PCSK5: variants seen among roughly 807,000 people sequenced by gnomAD.
The protein encoded by PCSK5 is prohormone convertase 5.
PCSK5 carries 129 observed loss-of-function variants against 233.2 expected under a neutral mutation model. The ratio of observed to expected loss-of-function variants is 0.55; its 90% confidence interval spans 0.48 to 0.64. The LOEUF (loss-of-function observed/expected upper bound fraction) is 0.64. PCSK5 is among the 30% of genes least tolerant of loss of function. The pLI, the probability that PCSK5 is intolerant of heterozygous loss-of-function variation, is 0.00. For synonymous variants in PCSK5, 825 were observed against 879.2 expected (o/e 0.94, Z 1.09); for missense variants, 2,076 against 2,430.1 (o/e 0.85, Z 3.06).
chr9:76,236,816 A>G, intron 22 of PCSK5, among the ~76,000 whole-genome samples: 1 of 152,228 alleles, frequency 6.6e-6, no homozygotes, highest in Admixed American at 6.5e-5. Context: ...CCATGTCCAA[A>G]CAATAAAAAT....
rs996414942 is a variant in PCSK5 at position 76,060,829 on chromosome 9, A to G, written c.633-7126A>G. Among the ~76,000 whole-genome samples the G allele has an allele frequency of 8.5e-5, 13 of 152,318 alleles. No individual in the cohort carries two copies. The East Asian group carries it at 2.1e-3, about 25-fold the overall frequency. On this transcript the variant is annotated intron_variant, in intron 5 of 37. Transcript: ENST00000674117. ...GAATACATAACAACCAAGCTGGTAT[A>G]GGGAAAAAGGTTACAGAAATGAACA...
intron 2 of PCSK5, among the ~76,000 whole-genome samples, chr9:75,978,989 C>T (rs1350033318): frequency 6.6e-5 from 10 of 151,416 alleles, no homozygotes; most frequent in Admixed American, 4.6e-4. Flanking sequence ...TCCTCTACCT[C>T]AGCCTCCCAA....
intron 5 of PCSK5, among the ~76,000 whole-genome samples, chr9:76,058,838 G>A (rs1829921988): frequency 2.0e-5 from 3 of 152,074 alleles, no homozygotes; most frequent in African/African-American, 7.2e-5. Flanking sequence ...TATTTGAAAA[G>A]GAACTTCACA....
At chr9:76,184,994 G>T (rs1316611610) in intron 17 of PCSK5, among the ~76,000 whole-genome samples, 1 of 152,142 alleles carries the variant, frequency 6.6e-6, no homozygotes, top group Non-Finnish European at 1.5e-5. Flanking sequence ...AGAAAAGATG[G>T]CTCAGATAAA....
chr9:75,917,493 T>A (rs1411799932), intron 1 of PCSK5, among the ~76,000 whole-genome samples: 1 of 152,244 alleles, frequency 6.6e-6, no homozygotes, highest in Admixed American at 6.5e-5. Context: ...GAACCGTGTG[T>A]CACCTGGGAG....
intron 22 of PCSK5, among the ~76,000 whole-genome samples, chr9:76,237,626 A>ATT (rs1826290383): frequency 6.6e-6 from 1 of 151,782 alleles, no homozygotes; most frequent in African/African-American, 2.4e-5. Flanking sequence ...AAAAAAAAAA[A>ATT]ATGGTTGGGC....
chr9:76,275,667 C>T (rs1587826715), intron 24 of PCSK5, among the ~76,000 whole-genome samples: 2 of 152,314 alleles, frequency 1.3e-5, no homozygotes, highest in East Asian at 1.9e-4. Flanking sequence ...TCAAGTGATC[C>T]ACCTGCCTCG....
intron 2 of PCSK5, among the ~76,000 whole-genome samples, chr9:75,933,443 A>C (rs1823901711): frequency 6.6e-6 from 1 of 152,182 alleles, no homozygotes. Flanking sequence ...TTTTCAAAGA[A>C]ATTGATAGAT....
intron 12 of PCSK5, 140 bp downstream of exon 12, chr9:76,159,311 C>T (rs544839107): frequency 4.4e-6 from 3 of 687,116 alleles, no homozygotes; most frequent in African/African-American, 1.8e-5. Context: ...TCTCACTGCT[C>T]ATAAGTAGAG....
At chr9:75,962,456 A>T (rs1825395509) in intron 2 of PCSK5, among the ~76,000 whole-genome samples, 1 of 152,200 alleles carries the variant, frequency 6.6e-6, no homozygotes, top group African/African-American at 2.4e-5. Context: ...AGCCAGCTGG[A>T]TGTTGAGGGC....
chr9:76,096,915 C>CTTTATT (rs1262850288), intron 8 of PCSK5, among the ~76,000 whole-genome samples: 10 of 151,234 alleles, frequency 6.6e-5, no homozygotes, highest in South Asian at 2.1e-4. Flanking sequence ...AGGTGCATTT[C>CTTTATT]TTTATTTTTA....
chr9:76,351,624 AAG>A (rs1830166305), intron 36 of PCSK5, among the ~76,000 whole-genome samples: 1 of 147,320 alleles, frequency 6.8e-6, no homozygotes, highest in Non-Finnish European at 1.5e-5. Flanking sequence ...AAGAAAGAGA[AAG>A]AAAGAGAGAG....
At chr9:76,311,831 G>C (rs561278181) in intron 30 of PCSK5, among the ~76,000 whole-genome samples, 1 of 152,066 alleles carries the variant, frequency 6.6e-6, no homozygotes, top group East Asian at 1.9e-4. Flanking sequence ...GACTGGCACC[G>C]CTGCTGAGCC....
At chr9:76,148,361 CCCTCTCTCT>C (rs1278932006) in intron 10 of PCSK5, among the ~76,000 whole-genome samples, 1 of 133,546 alleles carries the variant, frequency 7.5e-6, no homozygotes, top group Non-Finnish European at 1.5e-5. Context: ...CCCTCTCTCT[CCCTCTCTCT>C]CCCTCTCTCC....
At chr9:76,325,469 AATTCT>A (rs1829332456) in intron 32 of PCSK5, among the ~76,000 whole-genome samples, 1 of 152,152 alleles carries the variant, frequency 6.6e-6, no homozygotes, top group African/African-American at 2.4e-5. Context: ...CACCACCAGT[AATTCT>A]GATGCTTAGT....
chr9:76,049,364 T>C (rs1829541753), intron 5 of PCSK5, among the ~76,000 whole-genome samples: 1 of 152,242 alleles, frequency 6.6e-6, no homozygotes, highest in African/African-American at 2.4e-5. Flanking sequence ...CTTTAATTTT[T>C]GGTTTAGTAC....
intron 7 of PCSK5, among the ~76,000 whole-genome samples, chr9:76,090,286 G>A (rs1029918329): frequency 1.3e-5 from 2 of 151,754 alleles, no homozygotes; most frequent in Non-Finnish European, 2.9e-5. Context: ...TTTGAGAAAT[G>A]TGGAGATTTT....
chr9:76,250,959 A>T (rs974350557), intron 24 of PCSK5, among the ~76,000 whole-genome samples: 14 of 152,206 alleles, frequency 9.2e-5, no homozygotes, highest in Non-Finnish European at 1.8e-4. Context: ...TGAAAATTGT[A>T]TTTCAATCAA....
At chr9:76,027,860 CAT>C (rs963915148) in intron 5 of PCSK5, among the ~76,000 whole-genome samples, 4 of 152,130 alleles carry the variant, frequency 2.6e-5, no homozygotes, top group Admixed American at 2.6e-4. Context: ...TTTTTATTTA[CAT>C]GTTTTATTTA....
Sources: allele counts gnomAD v4.1 joint callset (sites outside exome capture counted in the v4.1 genomes callset), GRCh38; gene constraint gnomAD v4.1.1; transcripts MANE v1.5; gene names NCBI Gene and HGNC (gene_info 2026-07-23, HGNC 2026-07-21).